The following CCDC171 variants were observed in gnomAD, a reference collection of about 807,000 sequenced individuals.
The protein encoded by CCDC171 is coiled-coil domain containing 171.
In CCDC171, 177 loss-of-function variants were observed where a neutral mutation model predicts 168.2. The ratio of observed to expected loss-of-function variants is 1.05; its 90% CI spans 0.93 to 1.19. CCDC171 has a LOEUF of 1.19. Among genes scored for constraint, CCDC171 ranks in the 50% most tolerant of loss-of-function variants. The pLI is 0.00. For missense variants in CCDC171, 1,991 were observed against 1,539.0 expected (o/e 1.29, Z -4.91); for synonymous variants, 687 against 540.8 (o/e 1.27, Z -3.75).
At chr9:15,985,341 C>T (rs1589297298) in intron 3 of CCDC171, among the ~76,000 whole-genome samples, 1 of 152,112 alleles carries the variant, frequency 6.6e-6, no homozygotes, top group African/African-American at 2.4e-5. Context: ...CACACTGATC[C>T]TTTAGTCAGA....
At chr9:16,015,110 G>A (rs903673965) in intron 3 of CCDC171, among the ~76,000 whole-genome samples, 1 of 151,872 alleles carries the variant, frequency 6.6e-6, no homozygotes, top group African/African-American at 2.4e-5. Context: ...AAAACTTAAA[G>A]TCTAATAAAA....
At chr9:15,610,559 C>G (rs1188665019) in intron 6 of CCDC171, among the ~76,000 whole-genome samples, 1 of 141,950 alleles carries the variant, frequency 7.0e-6, no homozygotes, top group Non-Finnish European at 1.5e-5. Context: ...ACCTGGGAGG[C>G]GGAGGTTGCA....
At position 15,769,193 on chromosome 9, in the gene CCDC171, A is replaced by G. The variant is rs542241170; in HGVS notation, c.2672-8407A>G. On this transcript the variant is annotated intron_variant, in intron 18 of 25. Coordinates refer to ENST00000380701, the MANE Select transcript of CCDC171 (RefSeq NM_173550.4). ...TTAAATGCAATTTCTTAGAAGATGCAGAAGTTTTTTTCTTGTCAGTAAAAC... is the reference window on the plus strand; with the variant it reads ...TTAAATGCAATTTCTTAGAAGATGCGGAAGTTTTTTTCTTGTCAGTAAAAC... Among the ~76,000 whole-genome samples, 126 of 152,368 alleles carry G rather than the reference A, an allele frequency of 8.3e-4. 2 individuals are homozygous for G. The South Asian group carries it at 0.025, about 30-fold the overall frequency.
intron 7 of CCDC171, among the ~76,000 whole-genome samples, chr9:15,630,514 A>G (rs2132266439): frequency 6.6e-6 from 1 of 152,304 alleles, no homozygotes; most frequent in East Asian, 1.9e-4. Context: ...AGGAGCACGA[A>G]GATTCATAAA....
chr9:15,671,208 G>T lies in CCDC171; in HGVS notation c.1076+4885G>T, dbSNP rs13284312. On this transcript the variant is annotated intron_variant, in intron 9 of 25. Transcript: ENST00000380701. ...TAACCAATCACTTATTAAATTATTT[G>T]TAAACACTAACAGAACCGAAAGTCT... Among the ~76,000 whole-genome samples, 632 of 152,140 alleles carry T rather than the reference G, an allele frequency of 4.2e-3. 3 individuals are homozygous for T. Among genetic ancestry groups the T allele is most frequent in the Non-Finnish European group, 7.1e-3 (480 of 68,002 alleles).
At chr9:15,560,061 T>C (rs201205217) in intron 1 of CCDC171, among the ~76,000 whole-genome samples, 1 of 152,164 alleles carries the variant, frequency 6.6e-6, no homozygotes, top group Admixed American at 6.5e-5. Context: ...ATATTGGCCC[T>C]CACTCTCTTC....
At chr9:15,568,838 C>T (rs1056138871) in intron 2 of CCDC171, among the ~76,000 whole-genome samples, 1 of 151,840 alleles carries the variant, frequency 6.6e-6, no homozygotes, top group African/African-American at 2.4e-5. Context: ...TTTTTTTTCC[C>T]ATTCTCTAGG....
At chr9:15,887,008 T>C (rs897520285) in intron 24 of CCDC171, among the ~76,000 whole-genome samples, 3 of 151,950 alleles carry the variant, frequency 2.0e-5, no homozygotes, top group Non-Finnish European at 4.4e-5. Context: ...GGTCAAAGGG[T>C]AAAAACTTTT....
chr9:15,758,651 C>G (rs2056273174), intron 18 of CCDC171, among the ~76,000 whole-genome samples: 1 of 152,046 alleles, frequency 6.6e-6, no homozygotes, highest in African/African-American at 2.4e-5. Context: ...GGCTGTGTCC[C>G]CACCCAAATC....
intron 21 of CCDC171, among the ~76,000 whole-genome samples, chr9:15,789,775 C>T (rs144847507): frequency 3.0e-5 from 4 of 134,704 alleles, no homozygotes; most frequent in East Asian, 5.1e-4. Context: ...CGACAGTCCC[C>T]GGTGTGTGAT....
At chr9:15,890,258 A>G (rs573530563) in intron 24 of CCDC171, among the ~76,000 whole-genome samples, 5 of 152,256 alleles carry the variant, frequency 3.3e-5, no homozygotes, top group African/African-American at 4.8e-5. Flanking sequence ...TAGGAGAGGC[A>G]TAGATAAAAG....
chr9:16,020,902 G>T (rs1833143346), intron 4 of CCDC171: 2 of 152,226 alleles, frequency 1.3e-5, no homozygotes, highest in Admixed American at 1.3e-4. Context: ...CAAAATCTCT[G>T]CTAAGAGGAG....
intron 21 of CCDC171, among the ~76,000 whole-genome samples, chr9:15,787,672 C>A (rs1219202644): frequency 2.6e-5 from 4 of 152,154 alleles, no homozygotes; most frequent in African/African-American, 9.7e-5. Flanking sequence ...TTAGAAACCA[C>A]ATACATTAAA....
intron 22 of CCDC171, among the ~76,000 whole-genome samples, chr9:15,847,559 T>C (rs2060952155): frequency 1.3e-5 from 2 of 152,092 alleles, no homozygotes; most frequent in Admixed American, 1.3e-4. Context: ...TTAAAGACAG[T>C]TCTTTGTACA....
chr9:15,921,749 G>T (rs913542451), intron 25 of CCDC171, among the ~76,000 whole-genome samples: 1 of 151,452 alleles, frequency 6.6e-6, no homozygotes, highest in South Asian at 2.1e-4. Flanking sequence ...TCCACCAAGA[G>T]AAATTAAAAT....
At chr9:15,759,413 T>A (rs796071699) in intron 18 of CCDC171, among the ~76,000 whole-genome samples, 5 of 152,296 alleles carry the variant, frequency 3.3e-5, no homozygotes, top group African/African-American at 1.2e-4. Flanking sequence ...AGAATGCAAC[T>A]GTCAACATCA....
At chr9:15,663,929 T>C (rs1262272695) in intron 8 of CCDC171, among the ~76,000 whole-genome samples, 1 of 152,040 alleles carries the variant, frequency 6.6e-6, no homozygotes, top group Non-Finnish European at 1.5e-5. Flanking sequence ...TTAGTAGTTG[T>C]TTTGAAAAAA....
chr9:15,604,046 CT>C (rs1180867884), intron 6 of CCDC171, among the ~76,000 whole-genome samples: 2 of 144,794 alleles, frequency 1.4e-5, no homozygotes, highest in South Asian at 2.1e-4. Flanking sequence ...GCATGTATGT[CT>C]TTTTTTTTGA....
At chr9:15,703,920 A>T (rs2052003862) in intron 11 of CCDC171, among the ~76,000 whole-genome samples, 1 of 152,232 alleles carries the variant, frequency 6.6e-6, no homozygotes, top group African/African-American at 2.4e-5. Flanking sequence ...ATAACATTAA[A>T]GATCACTGAT....
Sources: gnomAD v4.1 joint callset for allele counts (sites outside exome capture counted in the v4.1 genomes callset) on GRCh38, gnomAD v4.1.1 for gene constraint, MANE v1.5 for transcripts, NCBI Gene and HGNC (gene_info 2026-07-23, HGNC 2026-07-21) for gene names.